Variants in FANCL observed in about 807,000 individuals in gnomAD.
FANCL encodes FA complementation group L, also known as E3 ubiquitin-protein ligase FANCL.
In FANCL, 69 loss-of-function variants were observed where a neutral mutation model predicts 59.4. The ratio of observed to expected loss-of-function variants is 1.16; its 90% CI spans 0.96 to 1.42. FANCL has a LOEUF of 1.42. FANCL is among the 40% of genes most tolerant of loss of function. The pLI, the probability that FANCL is intolerant of heterozygous loss-of-function variation, is 0.00. For missense variants in FANCL, 519 were observed against 447.2 expected (o/e 1.16, Z -1.45); for synonymous variants, 180 against 147.1 (o/e 1.22, Z -1.62).
chr2:58,187,228 T>C (rs1445688917), intron 7 of FANCL, among the ~76,000 whole-genome samples: 3 of 152,094 alleles, frequency 2.0e-5, no homozygotes, highest in Non-Finnish European at 2.9e-5. Context: ...TGGAATACTA[T>C]GCAGCCATAA....
intron 12 of FANCL, among the ~76,000 whole-genome samples, chr2:58,160,968 TA>T (rs1045713296): frequency 6.6e-6 from 1 of 151,988 alleles, no homozygotes; most frequent in African/African-American, 2.4e-5. Context: ...AGCCAGGCAC[TA>T]AAGACAGGAA....
chr2:58,177,332 C>G (rs1029721070), intron 7 of FANCL, among the ~76,000 whole-genome samples: 32 of 152,068 alleles, frequency 2.1e-4, no homozygotes, highest in African/African-American at 6.5e-4. Flanking sequence ...ACATGCACAT[C>G]TATGTTTATT....
intron 7 of FANCL, among the ~76,000 whole-genome samples, chr2:58,180,465 C>T (rs145940452): frequency 7.4e-4 from 113 of 151,752 alleles, no homozygotes; most frequent in African/African-American, 2.7e-3. Context: ...GAACAGAAAA[C>T]CAAACACTGC....
At chr2:58,227,097 T>C (rs1432401529) in intron 3 of FANCL, among the ~76,000 whole-genome samples, 1 of 152,202 alleles carries the variant, frequency 6.6e-6, no homozygotes, top group African/African-American at 2.4e-5. Flanking sequence ...TTGCAGGGCA[T>C]GCGATGGGAG....
At chr2:58,166,379 A>C (rs1685956278) in intron 7 of FANCL, among the ~76,000 whole-genome samples, 1 of 152,202 alleles carries the variant, frequency 6.6e-6, no homozygotes, top group Non-Finnish European at 1.5e-5. Flanking sequence ...AGAGTATGAA[A>C]AGGTTTTACA....
At chr2:58,161,477 G>A (rs1685150385) in intron 12 of FANCL, 45 bp downstream of exon 12, 4 of 1,145,644 alleles carry the variant, frequency 3.5e-6, no homozygotes, top group Non-Finnish European at 4.0e-6. Flanking sequence ...TACTTCCTAT[G>A]TTGTGTTAGC....
intron 1 of FANCL, among the ~76,000 whole-genome samples, chr2:58,234,923 CAAT>C (rs1369442597): frequency 1.3e-5 from 2 of 151,840 alleles, no homozygotes; most frequent in African/African-American, 2.4e-5. Context: ...ACATATGAAA[CAAT>C]GATTTTCAGA....
intron 7 of FANCL, among the ~76,000 whole-genome samples, chr2:58,191,431 C>A (rs1185198612): frequency 1.3e-5 from 2 of 151,694 alleles, no homozygotes; most frequent in Non-Finnish European, 3.0e-5. Context: ...AAAGTACTCA[C>A]AATATATTAA....
At chr2:58,172,310 T>TTGACCCC (rs1394791815) in intron 7 of FANCL, among the ~76,000 whole-genome samples, 1 of 152,216 alleles carries the variant, frequency 6.6e-6, no homozygotes, top group Non-Finnish European at 1.5e-5. Context: ...AAGTGGGTTC[T>TTGACCCC]TGACCCCTGA....
At chr2:58,208,756 T>C (rs940738030) in intron 5 of FANCL, among the ~76,000 whole-genome samples, 2 of 152,224 alleles carry the variant, frequency 1.3e-5, no homozygotes, top group African/African-American at 4.8e-5. Context: ...ATCTTCCTAA[T>C]GCGTGTCTTT....
chr2:58,165,879 GAAAA>G lies in FANCL; in HGVS notation c.541-9_541-6del. On this transcript the variant is annotated splice_polypyrimidine_tract_variant and splice_region_variant and intron_variant, in intron 7 of 13. Coordinates refer to ENST00000233741, the MANE Select transcript of FANCL (RefSeq NM_018062.4). ...ATAAATGCTTATTAAGGAGCTCTGT[GAAAA>G]AAATGAAAGTTGAATAAGTTATATG... 6.2e-7 allele frequency: 1 copy of G among 1,613,382 alleles called. No individual in the cohort carries two copies. The highest frequency in any genetic ancestry group is 8.5e-7 in the Non-Finnish European group (1 of 1,179,572).
chr2:58,164,474 C>A (rs1685669518), intron 8 of FANCL, among the ~76,000 whole-genome samples: 2 of 151,998 alleles, frequency 1.3e-5, no homozygotes, highest in Admixed American at 6.6e-5. Flanking sequence ...TAGCCCTCAA[C>A]ACTGTCATCT....
intron 3 of FANCL, among the ~76,000 whole-genome samples, chr2:58,227,451 G>T (rs1693131089): frequency 6.6e-6 from 1 of 152,208 alleles, no homozygotes; most frequent in African/African-American, 2.4e-5. Context: ...GTGGGAGACA[G>T]AAGGGAGACG....
intron 5 of FANCL, among the ~76,000 whole-genome samples, chr2:58,217,115 T>C (rs1341098342): frequency 2.4e-5 from 3 of 124,276 alleles, no homozygotes; most frequent in Non-Finnish European, 5.1e-5. Flanking sequence ...CACACACACA[T>C]TACATATATA....
chr2:58,221,808 C>A (rs923819132), intron 5 of FANCL, 134 bp downstream of exon 5: 9 of 643,690 alleles, frequency 1.4e-5, no homozygotes, highest in Non-Finnish European at 2.2e-5. Flanking sequence ...TTCACAGCAA[C>A]AATAAGGATC....
chr2:58,170,222 G>T (rs111237370), intron 7 of FANCL, among the ~76,000 whole-genome samples: 7 of 152,226 alleles, frequency 4.6e-5, no homozygotes, highest in African/African-American at 1.7e-4. Flanking sequence ...AGAGAGTGGG[G>T]GCCAATATTT....
chr2:58,182,028 C>T (rs1687985755), intron 7 of FANCL, among the ~76,000 whole-genome samples: 1 of 151,566 alleles, frequency 6.6e-6, no homozygotes. Context: ...CTATATAAGA[C>T]AAATTATAAT....
chr2:58,199,028 C>CAAAAAAA (rs772182737), intron 6 of FANCL, among the ~76,000 whole-genome samples: 3 of 61,182 alleles, frequency 4.9e-5, no homozygotes, highest in Non-Finnish European at 3.5e-5. Context: ...ATCTCCATCT[C>CAAAAAAA]AAAAAAAAAA....
intron 7 of FANCL, among the ~76,000 whole-genome samples, chr2:58,167,977 G>A (rs537508736): frequency 3.3e-5 from 5 of 151,406 alleles, no homozygotes; most frequent in Admixed American, 2.6e-4. Flanking sequence ...TCCCCAAATT[G>A]AAAAAAATAA....
Sources: allele counts gnomAD v4.1 joint callset (sites outside exome capture counted in the v4.1 genomes callset), GRCh38; gene constraint gnomAD v4.1.1; transcripts MANE v1.5; gene names NCBI Gene and HGNC (gene_info 2026-07-23, HGNC 2026-07-21).